The following WDR93 variants were observed in gnomAD, a reference collection of about 807,000 sequenced individuals.
WDR93 encodes the protein WD repeat domain 93, also known as WD repeat-containing protein 93.
Under a neutral mutation model 82.9 loss-of-function variants are expected in WDR93, and 73 were observed. The observed-to-expected ratio is 0.88, with a 90% CI of 0.73 to 1.07. WDR93 has a LOEUF of 1.07. Ranked by LOEUF, WDR93 falls within the 50% of genes least tolerant of loss-of-function variation. The pLI, the probability that WDR93 is intolerant of heterozygous loss-of-function variation, is 0.00. For missense variants in WDR93, 738 were observed against 826.0 expected (o/e 0.89, Z 1.31); for synonymous variants, 283 against 300.1 (o/e 0.94, Z 0.59).
At chr15:89,739,289 T>C (rs990684429) in intron 16 of WDR93, among the ~76,000 whole-genome samples, 4 of 152,224 alleles carry the variant, frequency 2.6e-5, no homozygotes, top group Non-Finnish European at 5.9e-5. Context: ...CTGTATGCTA[T>C]GGCAGGATTG....
Position 89,733,023 on chromosome 15 carries a change from G to T in WDR93, c.1348G>T (p.Ala450Ser), listed in dbSNP as rs747786194. 6.2e-7 allele frequency: 1 copy of T among 1,613,974 alleles called. No homozygotes were observed. The highest frequency in any genetic ancestry group is 8.5e-7 in the Non-Finnish European group (1 of 1,180,024). ...DLAKGFPLGV[A>S]ALPQGCFCQS... The stretch of plus-strand genomic sequence containing the variant: ...TTCTCTAGGATTCCCTCTTGGGGTC[G>T]CTGCTCTTCCTCAGGGATGTTTCTG... Residue 450 changes from alanine (A) to serine (S), a missense_variant, in exon 13 of 17, where the codon GCT (alanine) becomes TCT (serine). Coordinates refer to ENST00000268130, the MANE Select transcript of WDR93 (RefSeq NM_020212.2).
intron 1 of WDR93, among the ~76,000 whole-genome samples, chr15:89,698,073 A>G (rs1965277454): frequency 6.6e-6 from 1 of 151,188 alleles, no homozygotes; most frequent in African/African-American, 2.4e-5. Context: ...TTTAGTAGGG[A>G]CAGGGTCTCA....
intron 1 of WDR93, among the ~76,000 whole-genome samples, chr15:89,697,956 T>C (rs1243447940): frequency 6.6e-6 from 1 of 151,036 alleles, no homozygotes; most frequent in African/African-American, 2.4e-5. Context: ...CTCGGCTCAC[T>C]GCAAGCTCCG....
At chr15:89,738,307 C>T (rs1182779642) in intron 16 of WDR93, 71 bp downstream of exon 16, 9 of 1,473,218 alleles carry the variant, frequency 6.1e-6, no homozygotes, top group Non-Finnish European at 8.2e-6. Context: ...AGTGGAGTTT[C>T]TTTCATGGTA....
chr15:89,707,624 T>G (rs1965780638), intron 4 of WDR93, among the ~76,000 whole-genome samples: 1 of 149,472 alleles, frequency 6.7e-6, no homozygotes, highest in African/African-American at 2.5e-5. Flanking sequence ...AAAAGGAAAA[T>G]AAAAAAATAA....
upstream of WDR93, chr15:89,690,678 G>C (rs751511410): frequency 1.7e-5 from 24 of 1,424,302 alleles, no homozygotes; most frequent in Non-Finnish European, 2.1e-5. Context: ...TCAGGCGTGG[G>C]TCCTCTGGGG....
intron 4 of WDR93, among the ~76,000 whole-genome samples, chr15:89,709,102 A>G (rs1306185149): frequency 6.6e-6 from 1 of 152,236 alleles, no homozygotes; most frequent in Non-Finnish European, 1.5e-5. Context: ...CAGTGACACA[A>G]TCCTACACCA....
At chr15:89,727,806 G>T (rs1162581319) in intron 9 of WDR93, among the ~76,000 whole-genome samples, 2 of 151,792 alleles carry the variant, frequency 1.3e-5, no homozygotes, top group Non-Finnish European at 2.9e-5. Flanking sequence ...ACAGAGGCTG[G>T]GCACGGTGGC....
chr15:89,702,741 G>T (rs1209545880), intron 2 of WDR93, among the ~76,000 whole-genome samples: 1 of 152,118 alleles, frequency 6.6e-6, no homozygotes, highest in Non-Finnish European at 1.5e-5. Flanking sequence ...GTTTCACCAT[G>T]TTGGCCAGGC....
At chr15:89,736,113 C>T (rs115815442) in intron 14 of WDR93, among the ~76,000 whole-genome samples, 8 of 152,188 alleles carry the variant, frequency 5.3e-5, no homozygotes, top group African/African-American at 1.9e-4. Context: ...GGGGCTCAAA[C>T]AGAGAGGTCA....
chr15:89,727,462 A>C lies in WDR93; in HGVS notation c.1052+134A>C. On this transcript the variant is annotated intron_variant, in intron 9 of 16. Coordinates refer to ENST00000268130, the MANE Select transcript of WDR93 (RefSeq NM_020212.2). ...CTTTCTGGGGCCGGGACAGTGGCCC[A>C]CATCTGTAATCCCTACACTTTGGGA... The C allele has an allele frequency of 3.0e-6, 3 of 1,016,322 alleles. No homozygotes were observed. The East Asian group carries it at 7.9e-5, about 27-fold the overall frequency. 63.0% of individuals were successfully genotyped at this position (1,016,322 alleles called of 1,614,324 possible). A position where few individuals can be genotyped will look rare whatever the true frequency, so the allele number is the denominator to read the frequency against.
chr15:89,730,712 A>G (rs1966852100), intron 11 of WDR93, among the ~76,000 whole-genome samples: 1 of 151,884 alleles, frequency 6.6e-6, no homozygotes, highest in African/African-American at 2.4e-5. Flanking sequence ...TCTGGGCAAC[A>G]TAGGAGACCC....
chr15:89,716,784 C>A, intron 6 of WDR93, 127 bp from the exon 7 acceptor site: 1 of 699,322 alleles, frequency 1.4e-6, no homozygotes, highest in Non-Finnish European at 2.5e-6. Context: ...TACTGGCCCT[C>A]CACATCTGTT....
chr15:89,698,475 GT>G (rs1965297322), intron 1 of WDR93, among the ~76,000 whole-genome samples: 1 of 152,086 alleles, frequency 6.6e-6, no homozygotes, highest in Admixed American at 6.6e-5. Context: ...TACATTGTTT[GT>G]CCCGTCTGTT....
intron 1 of WDR93, among the ~76,000 whole-genome samples, chr15:89,691,271 C>A (rs925349252): frequency 6.6e-6 from 1 of 152,144 alleles, no homozygotes; most frequent in Non-Finnish European, 1.5e-5. Context: ...AGATTGTTAC[C>A]TGAGGAAATC....
intron 11 of WDR93, among the ~76,000 whole-genome samples, chr15:89,730,322 C>CAAAA (rs370652070): frequency 1.6e-5 from 2 of 123,460 alleles, no homozygotes; most frequent in Non-Finnish European, 1.7e-5. Flanking sequence ...AAGACTATCT[C>CAAAA]AAAAAAAAAA....
At chr15:89,724,852 A>G (rs12185091) in intron 8 of WDR93, among the ~76,000 whole-genome samples, 64,109 of 151,982 alleles carry the variant, frequency 0.42, 14,044 homozygotes, top group African/African-American at 0.49. Flanking sequence ...ACTCCCATAC[A>G]TTGCATTTAG....
chr15:89,729,791 A>T (rs1216867515), intron 11 of WDR93, 22 bp downstream of exon 11: 1 of 1,595,548 alleles, frequency 6.3e-7, no homozygotes, highest in Non-Finnish European at 8.6e-7. Flanking sequence ...CTGAGATGGG[A>T]GTCGCCTAAG....
At chr15:89,743,267 C>T in intron 16 of WDR93, 25 bp from the exon 17 acceptor site, 1 of 1,612,884 alleles carries the variant, frequency 6.2e-7, no homozygotes, top group African/African-American at 1.3e-5. Flanking sequence ...GGAGATTCCT[C>T]TCATCACAGT....
Sources: gnomAD v4.1 joint callset for allele counts (sites outside exome capture counted in the v4.1 genomes callset) on GRCh38, gnomAD v4.1.1 for gene constraint, MANE v1.5 for transcripts, NCBI Gene and HGNC (gene_info 2026-07-23, HGNC 2026-07-21) for gene names.